LRRC31: variants seen among roughly 807,000 people sequenced by gnomAD.
The protein encoded by LRRC31 is leucine-rich repeat-containing protein 31.
A neutral mutation model predicts 46.7 loss-of-function variants in LRRC31; 35 were observed. The observed-to-expected ratio is 0.75, with a 90% CI of 0.57 to 0.99. The LOEUF (loss-of-function observed/expected upper bound fraction) is 0.99. Ranked by LOEUF, LRRC31 falls within the 50% of genes least tolerant of loss-of-function variation. The pLI, the probability that LRRC31 is intolerant of heterozygous loss-of-function variation, is 0.00. For synonymous variants in LRRC31, 236 were observed against 235.1 expected (o/e 1.00, Z -0.03); for missense variants, 613 against 626.1 (o/e 0.98, Z 0.22).
rs201376534 is a variant in LRRC31, at chr3:169,851,722, G to T, written c.1056C>A (p.Gly352=). 148 of 1,614,048 alleles carry T rather than the reference G, an allele frequency of 9.2e-5. No individual in the cohort carries two copies. The East Asian group carries it at 3.1e-3, about 34-fold the overall frequency. ...TGCTGAGTAAGTTTTCAGAAGAACT[G>T]CCCATCTTTTTGTTGGCTGATAAAT... ...ELDLSANKKM[G]SSSENLLSRL... is the part of the protein sequence containing the mutation. The change falls in exon 7 of 9, where the codon GGC becomes GGA. Residue 352 remains glycine, a synonymous_variant. Transcript: ENST00000316428.
intron 1 of LRRC31, among the ~76,000 whole-genome samples, chr3:169,866,226 T>G (rs963181383): frequency 1.3e-5 from 2 of 152,116 alleles, no homozygotes; most frequent in African/African-American, 4.8e-5. Context: ...GTTAGGAAGC[T>G]ATTGCTGTGG....
intron 6 of LRRC31, chr3:169,853,718 T>C (rs867062365): frequency 6.1e-6 from 6 of 983,834 alleles, no homozygotes; most frequent in South Asian, 4.7e-5. Context: ...TTTTCCCAAA[T>C]TGAGAGATAA....
chr3:169,848,232 C>G lies in LRRC31; in HGVS notation c.1215G>C (p.Lys405Asn), dbSNP rs1355714767. Residue 405 changes from lysine (K) to asparagine (N), a missense_variant, in exon 8 of 9, where the codon AAG (lysine) becomes AAC (asparagine). Coordinates refer to ENST00000316428, the MANE Select transcript of LRRC31 (RefSeq NM_024727.4). The part of the protein sequence containing the change: ...ALEVFNLSWN[K>N]CVGGNLKLLL... ...GCAGCTTCAAGTTGCCACCAACACACTTGTTCCAAGAAAGGTTGAATACTT... is the reference window on the plus strand; with the variant it reads ...GCAGCTTCAAGTTGCCACCAACACAGTTGTTCCAAGAAAGGTTGAATACTT... 1.9e-6 allele frequency: 3 copies of G among 1,614,092 alleles called. No individual in the cohort carries two copies. Among genetic ancestry groups the G allele is most frequent in the African/African-American group, 2.7e-5 (2 of 74,942 alleles).
chr3:169,867,126 C>T (rs1383827661), intron 1 of LRRC31, among the ~76,000 whole-genome samples: 1 of 146,762 alleles, frequency 6.8e-6, no homozygotes, highest in Non-Finnish European at 1.5e-5. Flanking sequence ...TCATGGCTTA[C>T]CACAGCTTCA....
At position 169,857,343 on chromosome 3, in the gene LRRC31, TATACACAC is replaced by T. The variant is rs1376772763; in HGVS notation, c.488-479_488-472del. Among the ~76,000 whole-genome samples, 20 of 102,444 alleles carry T rather than the reference TATACACAC, an allele frequency of 2.0e-4. 1 individual carries two copies. The highest frequency in any genetic ancestry group is 5.9e-4 in the African/African-American group (16 of 27,202). The allele number at this position is 102,444 out of a possible 152,430, so 67.2% of individuals were successfully genotyped here. ...CTATATATATATATATATATATATATATACACACACACACACACACACACACAAGTATA... is the reference window on the plus strand; with the variant it reads ...CTATATATATATATATATATATATATACACACACACACACACACAAGTATA... On this transcript the variant is annotated intron_variant, in intron 3 of 8. Transcript: ENST00000316428.
At chr3:169,859,080 C>T (rs1342877247) in intron 3 of LRRC31, among the ~76,000 whole-genome samples, 1 of 140,654 alleles carries the variant, frequency 7.1e-6, no homozygotes, top group African/African-American at 2.7e-5. Flanking sequence ...AAAAAAAATA[C>T]AAAATAATTA....
At chr3:169,850,560 T>G (rs1780727399) in intron 7 of LRRC31, among the ~76,000 whole-genome samples, 1 of 152,226 alleles carries the variant, frequency 6.6e-6, no homozygotes, top group Admixed American at 6.5e-5. Flanking sequence ...ATTTTCTGTA[T>G]GCAAAACATC....
At chr3:169,857,485 G>C (rs952462474) in intron 3 of LRRC31, among the ~76,000 whole-genome samples, 20 of 144,158 alleles carry the variant, frequency 1.4e-4, no homozygotes, top group African/African-American at 4.9e-4. Flanking sequence ...TAATAATAGA[G>C]CATCAGGCAC....
rs764994165 is a variant in LRRC31 at position 169,854,642 on chromosome 3, C to T, written c.991+171G>A. Among the ~76,000 whole-genome samples, 12 of 152,268 alleles carry T rather than the reference C, an allele frequency of 7.9e-5. No homozygotes were observed. The East Asian group carries it at 2.1e-3, about 27-fold the overall frequency. On this transcript the variant is annotated intron_variant, in intron 6 of 8. Transcript: ENST00000316428. The stretch of plus-strand genomic sequence containing the variant: ...CTGAGATTCACTAACATTTACTGGG[C>T]GTTTAATACATGCCAAGTACTACAT...
At chr3:169,867,044 T>C (rs1272790589) in intron 1 of LRRC31, among the ~76,000 whole-genome samples, 4 of 109,450 alleles carry the variant, frequency 3.7e-5, no homozygotes, top group Non-Finnish European at 6.9e-5. Context: ...ATGGGTTTTT[T>C]TTGTTTGTTT....
intron 7 of LRRC31, among the ~76,000 whole-genome samples, chr3:169,850,791 T>C (rs926470948): frequency 6.6e-6 from 1 of 152,160 alleles, no homozygotes; most frequent in Non-Finnish European, 1.5e-5. Context: ...ATGTCAGTTG[T>C]TAAGTTCTGC....
chr3:169,858,181 T>C (rs1228195823), intron 3 of LRRC31, among the ~76,000 whole-genome samples: 1 of 152,168 alleles, frequency 6.6e-6, no homozygotes, highest in Non-Finnish European at 1.5e-5. Flanking sequence ...GTATGGGTGA[T>C]AGGTAAGCCC....
chr3:169,853,794 G>A (rs955677912), intron 6 of LRRC31: 14 of 827,270 alleles, frequency 1.7e-5, no homozygotes, highest in African/African-American at 9.2e-5. Flanking sequence ...CATATTTTAC[G>A]GTCTTCCTCC....
intron 3 of LRRC31, among the ~76,000 whole-genome samples, chr3:169,857,716 A>G (rs1180247295): frequency 2.0e-5 from 3 of 152,020 alleles, no homozygotes; most frequent in Admixed American, 6.6e-5. Context: ...TACTTTCTCA[A>G]TGTGCAAACA....
At chr3:169,862,696 G>A (rs1490844778) in intron 1 of LRRC31, among the ~76,000 whole-genome samples, 1 of 152,064 alleles carries the variant, frequency 6.6e-6, no homozygotes, top group Non-Finnish European at 1.5e-5. Context: ...AGGAGGCAGA[G>A]ATTGCAGTAA....
At chr3:169,846,060 A>C (rs1325200160) in intron 8 of LRRC31, among the ~76,000 whole-genome samples, 1 of 152,248 alleles carries the variant, frequency 6.6e-6, no homozygotes, top group Non-Finnish European at 1.5e-5. Flanking sequence ...GATTTAGAAC[A>C]GACATTTCAC....
At chr3:169,851,902 G>A in intron 6 of LRRC31, 116 bp from the exon 7 acceptor site, 2 of 1,014,090 alleles carry the variant, frequency 2.0e-6, no homozygotes, top group East Asian at 2.5e-5. Context: ...CCCCACCCCG[G>A]CCCTCCCTCC....
chr3:169,842,073 A>G (rs1453229346), intron 8 of LRRC31, among the ~76,000 whole-genome samples: 1 of 152,054 alleles, frequency 6.6e-6, no homozygotes. Context: ...ATACATAAAT[A>G]AATAAATTTA....
rs1394090983 is a variant in LRRC31, at chr3:169,856,370, T to C, written c.789A>G (p.Ser263=). 6.3e-7 allele frequency: 1 copy of C among 1,597,536 alleles called. No individual in the cohort carries two copies. Among genetic ancestry groups the C allele is most frequent in the Non-Finnish European group, 8.5e-7 (1 of 1,172,188 alleles). Residue 263 remains serine, a synonymous_variant, in exon 5 of 9, where the codon TCA becomes TCG. Transcript: ENST00000316428. ...TGACACTCTTTTGTGATAATCCACA[T>C]GAATGTAACTTCAGTACTTTCAGAT... is the stretch of plus-strand genomic sequence containing the variant. ...TSNLKVLKLH[S]CGLSQKSVKI... is the part of the protein sequence containing the mutation.
Sources: gnomAD v4.1 joint callset for allele counts (sites outside exome capture counted in the v4.1 genomes callset) on GRCh38, gnomAD v4.1.1 for gene constraint, MANE v1.5 for transcripts, NCBI Gene and HGNC (gene_info 2026-07-23, HGNC 2026-07-21) for gene names.